RIPOR3: variants seen among roughly 807,000 people sequenced by gnomAD.
RIPOR3 encodes the protein RIPOR family member 3.
RIPOR3 carries 95 observed loss-of-function variants against 114.3 expected under a neutral mutation model. The ratio of observed to expected loss-of-function variants is 0.83; its 90% CI spans 0.70 to 0.99. The LOEUF (loss-of-function observed/expected upper bound fraction) is 0.99, where lower values mean the gene tolerates loss of function less well. Among genes scored for constraint, RIPOR3 ranks in the 50% least tolerant of loss-of-function variants. The pLI is 0.00. For synonymous variants in RIPOR3, 575 were observed against 543.8 expected (o/e 1.06, Z -0.80); for missense variants, 1,252 against 1,266.9 (o/e 0.99, Z 0.18).
intron 1 of RIPOR3, among the ~76,000 whole-genome samples, chr20:50,672,472 G>A (rs2086546997): frequency 6.6e-6 from 1 of 152,162 alleles, no homozygotes; most frequent in East Asian, 1.9e-4. Flanking sequence ...TTCCCCATGA[G>A]GCTGCTCTTG....
intron 1 of RIPOR3, among the ~76,000 whole-genome samples, chr20:50,681,479 G>A (rs188552519): frequency 1.2e-4 from 18 of 152,216 alleles, no homozygotes; most frequent in Admixed American, 7.9e-4. Flanking sequence ...AACCTTGGAC[G>A]AAGCCAGAAG....
chr20:50,691,048 T>C (rs2087195227), intron 1 of RIPOR3, 78 bp downstream of exon 1: 1 of 1,288,698 alleles, frequency 7.8e-7, no homozygotes, highest in Non-Finnish European at 1.0e-6. Flanking sequence ...TGCCTCCTCC[T>C]GTCACCCCCA....
At chr20:50,616,731 C>T (rs1331764947) in intron 3 of RIPOR3, among the ~76,000 whole-genome samples, 1 of 152,150 alleles carries the variant, frequency 6.6e-6, no homozygotes, top group Non-Finnish European at 1.5e-5. Flanking sequence ...AGAGGCTGAA[C>T]CCACGTCTGA....
At chr20:50,610,279 C>A (rs1404786790) in intron 6 of RIPOR3, among the ~76,000 whole-genome samples, 3 of 152,178 alleles carry the variant, frequency 2.0e-5, no homozygotes, top group Admixed American at 2.0e-4. Context: ...CAGCTCCTGG[C>A]AGCGACTGGC....
intron 2 of RIPOR3, among the ~76,000 whole-genome samples, chr20:50,626,707 A>C (rs1326614846): frequency 6.6e-6 from 1 of 152,230 alleles, no homozygotes; most frequent in East Asian, 1.9e-4. Context: ...TAAAAATGCA[A>C]GGCTCTTTAT....
chr20:50,605,745 T>C (rs1304881063), intron 11 of RIPOR3, among the ~76,000 whole-genome samples: 9 of 148,032 alleles, frequency 6.1e-5, no homozygotes, highest in Admixed American at 1.4e-4. Flanking sequence ...GCCACTGCTC[T>C]CCAGTCTGGG....
intron 1 of RIPOR3, among the ~76,000 whole-genome samples, chr20:50,663,475 A>G (rs2086074662): frequency 6.6e-6 from 1 of 152,132 alleles, no homozygotes; most frequent in African/African-American, 2.4e-5. Context: ...ATAGGGAATA[A>G]CTCTACCTGC....
Position 50,595,515 on chromosome 20 carries a change from G to A in RIPOR3, c.1915-11C>T. 6.2e-7 allele frequency: 1 copy of A among 1,613,446 alleles called. No individual in the cohort carries two copies. The highest frequency in any genetic ancestry group is 8.5e-7 in the Non-Finnish European group (1 of 1,179,766). On this transcript the variant is annotated splice_polypyrimidine_tract_variant and intron_variant, in intron 15 of 21. Transcript: ENST00000327979. ...AGGGGAGGCCAGTTTCTGGGAAGCA[G>A]CCCAGATGCTCCAGATTAGCATGGA...
chr20:50,679,179 T>G (rs199800835), intron 1 of RIPOR3, among the ~76,000 whole-genome samples: 1 of 101,784 alleles, frequency 9.8e-6, no homozygotes, highest in Admixed American at 1.2e-4. Context: ...GAGAGAGAGA[T>G]ACACATATAA....
At position 50,629,931 on chromosome 20, in the gene RIPOR3, A is replaced by C. The variant is rs1361162987; in HGVS notation, c.122+807T>G. On this transcript the variant is annotated intron_variant, in intron 2 of 21. Coordinates refer to ENST00000327979, the MANE Select transcript of RIPOR3 (RefSeq NM_001290268.2). ...TGACCTTGGGCCAGTGGCTCCACCT[A>C]TCTGAGCCTCTGGTTTTTTGGTTTT... 2.0e-5 allele frequency among the ~76,000 whole-genome samples: 3 copies of C among 152,184 alleles called. No homozygotes were observed. In the East Asian group the frequency reaches 5.8e-4, roughly 29 times the overall value.
At chr20:50,666,181 C>CTTCTCTTTTCTTTTCTTTTCTTTTCTTTT (rs2086185279) in intron 1 of RIPOR3, among the ~76,000 whole-genome samples, 1 of 14,926 alleles carries the variant, frequency 6.7e-5, no homozygotes, top group Non-Finnish European at 4.5e-4. Context: ...GAAAGGACAC[C>CTTCTCTTTTCTTTTCTTTTCTTTTCTTTT]CATTTCTTTT....
At chr20:50,670,668 T>C (rs1479656154) in intron 1 of RIPOR3, among the ~76,000 whole-genome samples, 3 of 152,128 alleles carry the variant, frequency 2.0e-5, no homozygotes, top group African/African-American at 7.2e-5. Flanking sequence ...AGCATTGTGT[T>C]AGTAGGCGCT....
Position 50,679,127 on chromosome 20 carries a change from A to T in RIPOR3, c.3+11999T>A, listed in dbSNP as rs1379952210. Reference sequence around the variant, plus strand: ...CTCAAAAAAAAAAAAAAAAAAAAAAAAAAAAAAAATATATATATATATACA... The same window carrying T: ...CTCAAAAAAAAAAAAAAAAAAAAAATAAAAAAAAATATATATATATATACA... On this transcript the variant is annotated intron_variant, in intron 1 of 21. Transcript: ENST00000327979. Among the ~76,000 whole-genome samples the T allele has an allele frequency of 1.9e-3, 145 of 77,450 alleles. 3 individuals carry two copies. The highest frequency in any genetic ancestry group is 0.011 in the East Asian group (28 of 2,542). 50.8% of individuals were successfully genotyped at this position (77,450 alleles called of 152,430 possible).
intron 1 of RIPOR3, among the ~76,000 whole-genome samples, chr20:50,651,645 C>T (rs915786479): frequency 6.6e-6 from 1 of 152,160 alleles, no homozygotes; most frequent in East Asian, 1.9e-4. Flanking sequence ...CCCTTCCTCA[C>T]CTCTTATATC....
At chr20:50,625,718 G>T (rs1359543282) in intron 2 of RIPOR3, among the ~76,000 whole-genome samples, 1 of 152,144 alleles carries the variant, frequency 6.6e-6, no homozygotes, top group Non-Finnish European at 1.5e-5. Flanking sequence ...GGGCAGGAAA[G>T]GGGGAAGGGC....
At chr20:50,632,468 C>G (rs1378227536) in intron 1 of RIPOR3, among the ~76,000 whole-genome samples, 1 of 152,178 alleles carries the variant, frequency 6.6e-6, no homozygotes, top group Non-Finnish European at 1.5e-5. Flanking sequence ...CCAGGTGACC[C>G]AGGGAGAGCC....
intron 14 of RIPOR3, chr20:50,597,348 G>A: frequency 1.8e-6 from 1 of 565,064 alleles, no homozygotes. Flanking sequence ...GGAGCAGAAG[G>A]CTCAGGGGCA....
chr20:50,625,075 T>G (rs1381424045), intron 2 of RIPOR3, among the ~76,000 whole-genome samples: 2 of 151,968 alleles, frequency 1.3e-5, no homozygotes, highest in Admixed American at 6.6e-5. Flanking sequence ...CTTTTGTTTT[T>G]TTTTTTTTTA....
chr20:50,606,425 C>T (rs1002272314), intron 11 of RIPOR3, among the ~76,000 whole-genome samples: 1 of 152,148 alleles, frequency 6.6e-6, no homozygotes, highest in Non-Finnish European at 1.5e-5. Flanking sequence ...GGAAAAACCC[C>T]GTCTCCCCAC....
Sources: gnomAD v4.1 joint callset for allele counts (sites outside exome capture counted in the v4.1 genomes callset) on GRCh38, gnomAD v4.1.1 for gene constraint, MANE v1.5 for transcripts, NCBI Gene and HGNC (gene_info 2026-07-23, HGNC 2026-07-21) for gene names.